Variants in PYGL observed in about 807,000 individuals in gnomAD.
PYGL encodes the protein glycogen phosphorylase L.
PYGL carries 90 observed loss-of-function variants against 100.1 expected under a neutral mutation model. That is an observed-to-expected ratio of 0.90 (90% CI 0.76 to 1.07). The LOEUF is 1.07. Ranked by LOEUF, PYGL falls within the 50% of genes least tolerant of loss-of-function variation. The pLI is 0.00. For missense variants in PYGL, 1,016 were observed against 1,057.6 expected, an observed-to-expected ratio of 0.96 and a Z score of 0.55; for synonymous variants, 373 against 393.0, an observed-to-expected ratio of 0.95 and a Z score of 0.60.
Position 50,914,768 on chromosome 14 carries a change from G to T in PYGL, c.1451C>A (p.Thr484Asn), listed in dbSNP as rs1162935219. The T allele has an allele frequency of 6.2e-7, 1 of 1,614,040 alleles. No individual in the cohort carries two copies. Residue 484 changes from threonine to asparagine, a missense_variant, in exon 12 of 20, where the codon ACC becomes AAC. Physicochemically the swap from Thr to Asn is moderately conservative, Grantham distance 65. Coordinates refer to ENST00000216392, the MANE Select transcript of PYGL (RefSeq NM_002863.5). The part of the protein sequence containing the change: ...ELEPDKFQNK[T>N]NGITPRRWLL... ...CCAGCGCCTTGGAGTGATCCCATTG[G>T]TTTTATTCTGAAACTTGTCAGGTTC...
intron 19 of PYGL, among the ~76,000 whole-genome samples, chr14:50,906,720 C>T (rs928319153): frequency 7.2e-5 from 11 of 152,294 alleles, no homozygotes; most frequent in African/African-American, 1.9e-4. Flanking sequence ...TGCATTCTTG[C>T]GGCCTGTATA....
chr14:50,944,331 C>A lies in PYGL; in HGVS notation c.73G>T (p.Val25Leu). 6.2e-7 allele frequency: 1 copy of A among 1,613,974 alleles called. No individual in the cohort carries two copies. The highest frequency in any genetic ancestry group is 1.6e-4 in the Middle Eastern group (1 of 6,062). Residue 25 changes from valine (V) to leucine (L), a missense_variant, in exon 1 of 20, where the codon GTG becomes TTG. Val to Leu is a conservative substitution (Grantham distance 32, BLOSUM62 1). Coordinates refer to ENST00000216392, the MANE Select transcript of PYGL (RefSeq NM_002863.5). ...SIRGIVGVEN[V>L]AELKKSFNRH... is the part of the protein sequence containing the mutation. ...TTGAAACTCTTCTTCAGCTCTGCCA[C>A]GTTCTCCACGCCCACGATGCCGCGG...
rs529592674 is a variant in PYGL at position 50,920,130 on chromosome 14, G to A, written c.855+411C>T. Among the ~76,000 whole-genome samples the A allele has an allele frequency of 2.0e-5, 3 of 152,290 alleles. No individual in the cohort carries two copies. The South Asian group carries it at 6.2e-4, about 32-fold the overall frequency. ...GTCTCTAACTCCATCTAGCATCAGG[G>A]CAGAGGACCAGAAAGAGCCTAGTCA... On this transcript the variant is annotated intron_variant, in intron 7 of 19. Coordinates refer to ENST00000216392, the MANE Select transcript of PYGL (RefSeq NM_002863.5).
chr14:50,914,606 G>A (rs979763511), intron 12 of PYGL, 95 bp downstream of exon 12: 1 of 1,030,094 alleles, frequency 9.7e-7, no homozygotes, highest in Non-Finnish European at 1.5e-6. Context: ...GAGGAAGCCA[G>A]CCCTGCTGCA....
At chr14:50,920,487 C>T (rs1428786448) in intron 7 of PYGL, 54 bp downstream of exon 7, 6 of 1,484,710 alleles carry the variant, frequency 4.0e-6, no homozygotes, top group East Asian at 2.3e-5. Context: ...TGAACAGGCT[C>T]TTGTGAAATA....
chr14:50,908,960 G>A lies in PYGL; in HGVS notation c.2178-5C>T, dbSNP rs779760279. The A allele has an allele frequency of 5.6e-6, 9 of 1,594,868 alleles. No individual in the cohort carries two copies. Among genetic ancestry groups the A allele is most frequent in the South Asian group, 2.2e-5 (2 of 90,446 alleles). ...TAGTATTCTTTTGCCTCGTACCTGT[G>A]GGGTAGGGGTGGGTGGGTGATAAAA... On this transcript the variant is annotated splice_polypyrimidine_tract_variant and splice_region_variant and intron_variant, in intron 17 of 19. Transcript: ENST00000216392.
At chr14:50,913,232 G>A (rs1333440622) in intron 12 of PYGL, 102 bp from the exon 13 acceptor site, 1 of 894,032 alleles carries the variant, frequency 1.1e-6, no homozygotes, top group Non-Finnish European at 1.8e-6. Flanking sequence ...CCACAGTGTA[G>A]TTCACGTATC....
chr14:50,939,264 T>C (rs920027400), intron 1 of PYGL, among the ~76,000 whole-genome samples: 1 of 152,196 alleles, frequency 6.6e-6, no homozygotes, highest in Non-Finnish European at 1.5e-5. Flanking sequence ...CTTGAACTCC[T>C]AACCTCAGGT....
chr14:50,909,864 C>A lies in PYGL; in HGVS notation c.2177+31G>T, dbSNP rs1178265681. The stretch of plus-strand genomic sequence containing the variant: ...ATACCTTCTAGGGGGGAGGGGCAGT[C>A]CTGCCTAGCAAAGAGAAGCTATTCT... On this transcript the variant is annotated intron_variant, in intron 17 of 19. Transcript: ENST00000216392. The A allele has an allele frequency of 1.9e-6, 3 of 1,612,418 alleles. No individual in the cohort carries two copies. The Admixed American group carries it at 5.0e-5, about 27-fold the overall frequency.
chr14:50,908,397 G>A, intron 18 of PYGL, 60 bp from the exon 19 acceptor site: 1 of 1,374,208 alleles, frequency 7.3e-7, no homozygotes, highest in African/African-American at 1.4e-5. Context: ...ATAGATATAT[G>A]CTAAAATTCC....
chr14:50,929,003 G>T (rs2050579845), intron 4 of PYGL, among the ~76,000 whole-genome samples: 1 of 152,012 alleles, frequency 6.6e-6, no homozygotes, highest in Non-Finnish European at 1.5e-5. Flanking sequence ...AGTGATGATG[G>T]TTGATAAGGT....
At position 50,920,865 on chromosome 14, in the gene PYGL, TTTTG is replaced by T. The variant is rs1480527321; in HGVS notation, c.772+87_772+90del. The T allele has an allele frequency of 9.7e-6, 13 of 1,342,498 alleles. No homozygotes were observed. The East Asian group carries it at 2.6e-4, about 27-fold the overall frequency. 83.2% of individuals were successfully genotyped at this position (1,342,498 alleles called of 1,614,324 possible). A position where few individuals can be genotyped will look rare whatever the true frequency, so the allele number is the denominator to read the frequency against. On this transcript the variant is annotated intron_variant, in intron 6 of 19. Transcript: ENST00000216392. ...AGTTCAGATCAGAAACTCAAGGCTT[TTTTG>T]TTTGTTTCAAGCTCAATTTGGTTCT...
At position 50,923,994 on chromosome 14, in the gene PYGL, G is replaced by A; in HGVS notation, c.635C>T (p.Thr212Ile). Residue 212 changes from threonine (T) to isoleucine (I), a missense_variant, in exon 5 of 20, where the codon ACC becomes ATC. By Grantham distance (89) the Thr-to-Ile change is moderately conservative (BLOSUM62 -1). Coordinates refer to ENST00000216392, the MANE Select transcript of PYGL (RefSeq NM_002863.5). ...TTGAGTGTCAATCCACTTGGTCCCGGTGTTGGTGTGTTCTACTTTTCCATA... is the reference window on the plus strand; with the variant it reads ...TTGAGTGTCAATCCACTTGGTCCCGATGTTGGTGTGTTCTACTTTTCCATA... Reference protein sequence around the residue: ...HFYGKVEHTNTGTKWIDTQVV... With the variant: ...HFYGKVEHTNIGTKWIDTQVV... 1 of 1,613,930 alleles carries A rather than the reference G, an allele frequency of 6.2e-7. No homozygotes were observed. The highest frequency in any genetic ancestry group is 8.5e-7 in the Non-Finnish European group (1 of 1,179,858).
intron 1 of PYGL, 77 bp downstream of exon 1, chr14:50,944,084 C>T (rs2050726179): frequency 6.7e-7 from 1 of 1,502,434 alleles, no homozygotes; most frequent in Non-Finnish European, 9.0e-7. Flanking sequence ...AGGGGTTCTC[C>T]ACCTCGTCCC....
intron 12 of PYGL, among the ~76,000 whole-genome samples, chr14:50,913,930 T>G (rs1476385018): frequency 6.6e-6 from 1 of 152,126 alleles, no homozygotes; most frequent in Non-Finnish European, 1.5e-5. Context: ...TTCAAACTCC[T>G]GGCCTCAAGT....
chr14:50,915,812 C>T lies in PYGL; in HGVS notation c.1239+13G>A. ...ATGCTCATGAACAGAGAAAATCTCT[C>T]AAAATGACTTACATCTAAATGCTTC... On this transcript the variant is annotated intron_variant, in intron 10 of 19. Coordinates refer to ENST00000216392, the MANE Select transcript of PYGL (RefSeq NM_002863.5). The T allele has an allele frequency of 6.2e-7, 1 of 1,612,456 alleles. No individual in the cohort carries two copies.
intron 3 of PYGL, among the ~76,000 whole-genome samples, chr14:50,933,446 T>A (rs2050620861): frequency 6.6e-6 from 1 of 152,224 alleles, no homozygotes; most frequent in Non-Finnish European, 1.5e-5. Flanking sequence ...AACTTGGGTG[T>A]ATGCAAAATC....
chr14:50,942,856 C>CAACAA (rs2050713376), intron 1 of PYGL, among the ~76,000 whole-genome samples: 2 of 146,240 alleles, frequency 1.4e-5, no homozygotes, highest in Admixed American at 6.9e-5. Context: ...CAAAACAAAA[C>CAACAA]AACAAAACAG....
intron 5 of PYGL, 116 bp downstream of exon 5, chr14:50,923,853 A>G (rs2050523318): frequency 7.8e-7 from 1 of 1,275,382 alleles, no homozygotes; most frequent in African/African-American, 1.5e-5. Flanking sequence ...ATATTCTATT[A>G]TTCAAAACAC....
Sources: allele counts gnomAD v4.1 joint callset (sites outside exome capture counted in the v4.1 genomes callset), GRCh38; gene constraint gnomAD v4.1.1; transcripts MANE v1.5; gene names NCBI Gene and HGNC (gene_info 2026-07-23, HGNC 2026-07-21).